The following VWA8 variants were observed in gnomAD, a reference collection of about 807,000 sequenced individuals.
VWA8 encodes von Willebrand factor A domain containing 8, also known as von Willebrand factor A domain-containing protein 8.
A neutral mutation model predicts 241.5 loss-of-function variants in VWA8; 221 were observed. The ratio of observed to expected loss-of-function variants is 0.91; its 90% confidence interval spans 0.82 to 1.02. VWA8 has a LOEUF of 1.02. VWA8 is among the 50% of genes least tolerant of loss of function. VWA8 has a pLI of 0.00. For synonymous variants in VWA8, 852 were observed against 827.1 expected (o/e 1.03, Z -0.52); for missense variants, 2,322 against 2,328.7 (o/e 1.00, Z 0.06).
At chr13:41,663,762 T>TA (rs759314718) in intron 37 of VWA8, among the ~76,000 whole-genome samples, 19 of 151,900 alleles carry the variant, frequency 1.3e-4, no homozygotes, top group Non-Finnish European at 2.8e-4. Context: ...GTCCCCGACT[T>TA]ACGATGATTC....
rs371490892 is a variant in VWA8 at position 41,723,984 on chromosome 13, A to G, written c.2759-2409T>C. On this transcript the variant is annotated intron_variant, in intron 24 of 44. Transcript: ENST00000379310. ...CTCCAACAAATAAGGCTGAGCAGGA[A>G]TAGTTATTAAGGTAAGAAACCAAGA... 2.6e-5 allele frequency among the ~76,000 whole-genome samples: 4 copies of G among 152,338 alleles called. No individual in the cohort carries two copies. The East Asian group carries it at 7.7e-4, about 29-fold the overall frequency.
intron 39 of VWA8, among the ~76,000 whole-genome samples, chr13:41,605,737 C>T (rs2044549801): frequency 6.6e-6 from 1 of 152,024 alleles, no homozygotes; most frequent in African/African-American, 2.4e-5. Context: ...TTTTTAAGAT[C>T]GAGATCATGT....
intron 5 of VWA8, among the ~76,000 whole-genome samples, chr13:41,888,608 A>G (rs987017904): frequency 2.6e-5 from 4 of 152,178 alleles, no homozygotes; most frequent in Non-Finnish European, 5.9e-5. Context: ...AAACATCTTC[A>G]TATCTTCATA....
At chr13:41,909,795 C>A (rs1166055746) in intron 3 of VWA8, among the ~76,000 whole-genome samples, 1 of 152,216 alleles carries the variant, frequency 6.6e-6, no homozygotes, top group African/African-American at 2.4e-5. Flanking sequence ...GCCCCAGGAG[C>A]AGCAGATGGA....
At chr13:41,897,661 G>T (rs1225843211) in intron 4 of VWA8, among the ~76,000 whole-genome samples, 1 of 152,110 alleles carries the variant, frequency 6.6e-6, no homozygotes, top group African/African-American at 2.4e-5. Flanking sequence ...AAGGCTGCGC[G>T]TCTGGAGTTG....
At chr13:41,874,824 C>A (rs1873819543) in intron 9 of VWA8, among the ~76,000 whole-genome samples, 1 of 152,042 alleles carries the variant, frequency 6.6e-6, no homozygotes, top group Non-Finnish European at 1.5e-5. Flanking sequence ...CTCCTGGGCT[C>A]TTTTCTCATA....
At chr13:41,856,658 C>T (rs1401102725) in intron 12 of VWA8, among the ~76,000 whole-genome samples, 1 of 151,612 alleles carries the variant, frequency 6.6e-6, no homozygotes, top group Non-Finnish European at 1.5e-5. Context: ...CCATCTCTAC[C>T]AAAAATACAA....
intron 37 of VWA8, among the ~76,000 whole-genome samples, chr13:41,618,906 G>A (rs1289257182): frequency 4.6e-5 from 7 of 152,180 alleles, no homozygotes; most frequent in Non-Finnish European, 8.8e-5. Context: ...GTAAGGTAGC[G>A]TGATGCCTCC....
At chr13:41,644,874 C>T (rs1555313097) in intron 37 of VWA8, among the ~76,000 whole-genome samples, 1 of 151,988 alleles carries the variant, frequency 6.6e-6, no homozygotes, top group Non-Finnish European at 1.5e-5. Context: ...CTTGTTTATC[C>T]CAATTAGCCT....
chr13:41,691,651 T>C (rs2137817689), intron 31 of VWA8, among the ~76,000 whole-genome samples: 1 of 152,236 alleles, frequency 6.6e-6, no homozygotes, highest in East Asian at 1.9e-4. Flanking sequence ...TAATGGAAAG[T>C]AGTAACCATT....
chr13:41,869,282 C>A (rs1338371836), intron 9 of VWA8, among the ~76,000 whole-genome samples: 1 of 152,028 alleles, frequency 6.6e-6, no homozygotes, highest in Non-Finnish European at 1.5e-5. Context: ...TTTTCCACAG[C>A]ATATGGTACA....
At chr13:41,921,298 A>T (rs185769099) in intron 2 of VWA8, among the ~76,000 whole-genome samples, 1 of 152,344 alleles carries the variant, frequency 6.6e-6, no homozygotes, top group African/African-American at 2.4e-5. Context: ...CAAAATAATA[A>T]GAGCTTTTTA....
chr13:41,669,643 A>G (rs919146192), intron 37 of VWA8, among the ~76,000 whole-genome samples: 11 of 152,232 alleles, frequency 7.2e-5, no homozygotes, highest in Admixed American at 6.5e-4. Flanking sequence ...TCTTGACCAG[A>G]TGGAAAACAT....
chr13:41,751,985 C>T (rs2045659806), intron 21 of VWA8, among the ~76,000 whole-genome samples: 1 of 152,146 alleles, frequency 6.6e-6, no homozygotes. Flanking sequence ...GAATTAAGAA[C>T]CACACCAAGT....
chr13:41,588,309 G>T (rs1036711708), intron 41 of VWA8, among the ~76,000 whole-genome samples: 1 of 152,186 alleles, frequency 6.6e-6, no homozygotes, highest in Admixed American at 6.5e-5. Context: ...GCATAAAAGT[G>T]ACATCAAATT....
intron 26 of VWA8, among the ~76,000 whole-genome samples, chr13:41,711,652 A>T (rs1339306293): frequency 1.3e-5 from 2 of 152,214 alleles, no homozygotes; most frequent in Non-Finnish European, 2.9e-5. Flanking sequence ...AGGCGGGCAG[A>T]TCACGAGGTC....
chr13:41,952,762 AG>A (rs1158138219), intron 1 of VWA8, among the ~76,000 whole-genome samples: 4 of 151,454 alleles, frequency 2.6e-5, no homozygotes, highest in African/African-American at 9.8e-5. Flanking sequence ...TTTTAAAAAA[AG>A]TAAAATTCAT....
intron 37 of VWA8, among the ~76,000 whole-genome samples, chr13:41,662,840 C>T (rs2044960885): frequency 6.6e-6 from 1 of 152,112 alleles, no homozygotes; most frequent in Non-Finnish European, 1.5e-5. Context: ...AGTCTCTTAT[C>T]ATTAAAATAT....
intron 2 of VWA8, among the ~76,000 whole-genome samples, chr13:41,948,714 T>C (rs1877975676): frequency 6.6e-6 from 1 of 152,138 alleles, no homozygotes; most frequent in Admixed American, 6.6e-5. Flanking sequence ...TAGTATGACA[T>C]ATCAACTCAA....
Sources: gnomAD v4.1 joint callset for allele counts (sites outside exome capture counted in the v4.1 genomes callset) on GRCh38, gnomAD v4.1.1 for gene constraint, MANE v1.5 for transcripts, NCBI Gene and HGNC (gene_info 2026-07-23, HGNC 2026-07-21) for gene names.